PARM1: variants seen among roughly 807,000 people sequenced by gnomAD.
PARM1 encodes prostate androgen-regulated mucin-like protein 1, also known as WSC4, cell wall integrity and stress response component 4 homolog.
PARM1 carries 14 observed loss-of-function variants against 24.6 expected under a neutral mutation model. The ratio of observed to expected loss-of-function variants is 0.57; its 90% CI spans 0.38 to 0.89. The LOEUF (loss-of-function observed/expected upper bound fraction) is 0.89, where lower values mean the gene tolerates loss of function less well. PARM1 is among the 40% of genes least tolerant of loss of function. The probability of loss-of-function intolerance (pLI) is 0.00; values close to 1 mark genes in which losing one functional copy is unlikely to be tolerated. For synonymous variants in PARM1, 179 were observed against 156.6 expected, an observed-to-expected ratio of 1.14 and a Z score of -1.07; for missense variants, 362 against 380.4, an observed-to-expected ratio of 0.95 and a Z score of 0.40.
rs558949245 is a variant in PARM1, at chr4:74,987,641, T to C, written c.44-24784T>C. On this transcript the variant is annotated intron_variant, in intron 1 of 3. Coordinates refer to ENST00000307428, the MANE Select transcript of PARM1 (RefSeq NM_015393.4). ...TATGTCAACGTCAAGAGATGAAATT[T>C]TGAAGTTTTAAAGTTTGCCATGCAA... Among the ~76,000 whole-genome samples, 15 of 152,336 alleles carry C rather than the reference T, an allele frequency of 9.8e-5. No homozygotes were observed. The East Asian group carries it at 2.5e-3, about 25-fold the overall frequency.
At chr4:75,044,927 T>C (rs1190964661) in intron 3 of PARM1, among the ~76,000 whole-genome samples, 5 of 152,130 alleles carry the variant, frequency 3.3e-5, no homozygotes, top group African/African-American at 1.2e-4. Flanking sequence ...TCATTCACTA[T>C]CATGAGAACA....
At chr4:75,041,632 A>G (rs1258235415) in intron 3 of PARM1, among the ~76,000 whole-genome samples, 2 of 152,182 alleles carry the variant, frequency 1.3e-5, no homozygotes, top group Non-Finnish European at 2.9e-5. Flanking sequence ...TTCATTAAGT[A>G]TTGATGCTAC....
intron 1 of PARM1, among the ~76,000 whole-genome samples, chr4:74,998,561 A>G (rs1013318036): frequency 2.0e-5 from 3 of 152,194 alleles, no homozygotes; most frequent in Admixed American, 6.6e-5. Flanking sequence ...GGCTCCCCAC[A>G]TTGATTTCAA....
chr4:74,941,219 C>T (rs1334129423), intron 1 of PARM1, among the ~76,000 whole-genome samples: 1 of 152,096 alleles, frequency 6.6e-6, no homozygotes, highest in East Asian at 1.9e-4. Context: ...AGGAGGAGAG[C>T]CCAGATAGTC....
chr4:75,010,972 G>A (rs925478620), intron 1 of PARM1, among the ~76,000 whole-genome samples: 5 of 152,186 alleles, frequency 3.3e-5, no homozygotes, highest in African/African-American at 9.7e-5. Flanking sequence ...ATGCCCTCAT[G>A]GAGCTTTACT....
chr4:75,025,700 G>A (rs1426435883), intron 2 of PARM1, among the ~76,000 whole-genome samples: 5 of 152,178 alleles, frequency 3.3e-5, no homozygotes, highest in East Asian at 3.9e-4. Flanking sequence ...CTGGGCTTGC[G>A]CAAGTGCAAG....
At chr4:75,008,961 T>C (rs1722820917) in intron 1 of PARM1, among the ~76,000 whole-genome samples, 1 of 152,030 alleles carries the variant, frequency 6.6e-6, no homozygotes. Flanking sequence ...CAATCAGCCA[T>C]GACAGCTGCC....
chr4:74,946,781 G>A (rs956649401), intron 1 of PARM1, among the ~76,000 whole-genome samples: 30 of 152,202 alleles, frequency 2.0e-4, no homozygotes, highest in African/African-American at 4.8e-4. Context: ...GTTTAAACTC[G>A]TAAATTCACA....
chr4:75,039,235 A>G (rs1723430264), intron 3 of PARM1, among the ~76,000 whole-genome samples: 1 of 152,198 alleles, frequency 6.6e-6, no homozygotes, highest in South Asian at 2.1e-4. Flanking sequence ...AGAGTTTATT[A>G]AAAACACAGT....
At chr4:75,045,834 G>A (rs1267581542) in intron 3 of PARM1, among the ~76,000 whole-genome samples, 1 of 152,224 alleles carries the variant, frequency 6.6e-6, no homozygotes, top group Non-Finnish European at 1.5e-5. Flanking sequence ...AGGAATGCAA[G>A]CTTCCCTTTC....
At chr4:74,952,282 G>T (rs1014954540) in intron 1 of PARM1, among the ~76,000 whole-genome samples, 2 of 152,084 alleles carry the variant, frequency 1.3e-5, no homozygotes, top group African/African-American at 2.4e-5. Flanking sequence ...TTTTAATGGG[G>T]TTGTTTATTT....
intron 1 of PARM1, among the ~76,000 whole-genome samples, chr4:74,994,837 TG>T (rs905506051): frequency 6.7e-6 from 1 of 149,986 alleles, no homozygotes; most frequent in African/African-American, 2.5e-5. Context: ...AATAAATAAA[TG>T]GCAATGTAAA....
chr4:74,945,940 C>A (rs1256104990), intron 1 of PARM1, among the ~76,000 whole-genome samples: 1 of 152,164 alleles, frequency 6.6e-6, no homozygotes, highest in East Asian at 1.9e-4. Flanking sequence ...GGGGAGAGGG[C>A]TGGAGCAGAA....
At chr4:74,958,114 C>T (rs565783037) in intron 1 of PARM1, among the ~76,000 whole-genome samples, 4 of 152,136 alleles carry the variant, frequency 2.6e-5, no homozygotes, top group Non-Finnish European at 4.4e-5. Context: ...GAGCTCTCTG[C>T]TTACAGGTAA....
intron 1 of PARM1, among the ~76,000 whole-genome samples, chr4:74,943,237 T>A (rs2109981454): frequency 6.6e-6 from 1 of 152,328 alleles, no homozygotes; most frequent in East Asian, 1.9e-4. Context: ...CCATCCCTCC[T>A]TACCCCTCAC....
At chr4:74,965,713 C>T (rs1166998061) in intron 1 of PARM1, among the ~76,000 whole-genome samples, 2 of 152,136 alleles carry the variant, frequency 1.3e-5, no homozygotes, top group African/African-American at 4.8e-5. Context: ...TTCAAAAAAT[C>T]ATGGCCCATC....
intron 1 of PARM1, among the ~76,000 whole-genome samples, chr4:74,952,709 A>T (rs1721550044): frequency 6.6e-6 from 1 of 152,234 alleles, no homozygotes; most frequent in Non-Finnish European, 1.5e-5. Flanking sequence ...GTATTACTGG[A>T]TATGAGAACA....
At chr4:74,991,167 G>A (rs1302893249) in intron 1 of PARM1, among the ~76,000 whole-genome samples, 1 of 152,164 alleles carries the variant, frequency 6.6e-6, no homozygotes, top group Non-Finnish European at 1.5e-5. Context: ...GCTAAATTGT[G>A]TCACAGGTTA....
chr4:74,965,382 G>A (rs1361364398), intron 1 of PARM1: 1 of 152,196 alleles, frequency 6.6e-6, no homozygotes, highest in East Asian at 1.9e-4. Flanking sequence ...TAGAGCAGGT[G>A]GATTCCGGAA....
Sources: allele counts gnomAD v4.1 joint callset (sites outside exome capture counted in the v4.1 genomes callset), GRCh38; gene constraint gnomAD v4.1.1; transcripts MANE v1.5; gene names NCBI Gene and HGNC (gene_info 2026-07-23, HGNC 2026-07-21).